The following EHF variants were observed in gnomAD, a reference collection of about 807,000 sequenced individuals.
EHF encodes ETS homologous factor.
In EHF, 14 loss-of-function variants were observed where a neutral mutation model predicts 45.1. The observed-to-expected ratio is 0.31, with a 90% CI of 0.21 to 0.49. EHF has a LOEUF of 0.49. Among genes scored for constraint, EHF ranks in the 20% least tolerant of loss-of-function variants. The probability of loss-of-function intolerance (pLI) is 0.99; values close to 1 mark genes in which losing one functional copy is unlikely to be tolerated. For missense variants in EHF, 282 were observed against 371.4 expected, an observed-to-expected ratio of 0.76 and a Z score of 1.98; for synonymous variants, 136 against 131.8, an observed-to-expected ratio of 1.03 and a Z score of -0.22.
chr11:34,657,569 A>C (rs569261959), intron 7 of EHF, among the ~76,000 whole-genome samples: 3 of 152,174 alleles, frequency 2.0e-5, no homozygotes, highest in Admixed American at 1.3e-4. Context: ...TGGGTGGATC[A>C]CTTGAGCTCA....
At chr11:34,646,027 GGTGTGT>G (rs71041935) in intron 2 of EHF, among the ~76,000 whole-genome samples, 16,986 of 144,210 alleles carry the variant, frequency 0.12, 1,054 homozygotes, top group Admixed American at 0.19. Context: ...TGAGTTTGGT[GGTGTGT>G]GTGTGTGTGT....
intron 4 of EHF, 107 bp downstream of exon 4, chr11:34,649,188 C>A: frequency 8.6e-7 from 1 of 1,157,772 alleles, no homozygotes; most frequent in Non-Finnish European, 1.3e-6. Flanking sequence ...GCAGGAAACA[C>A]AGGGAGGCCT....
At chr11:34,651,171 C>G (rs563678263) in intron 4 of EHF, among the ~76,000 whole-genome samples, 4 of 151,846 alleles carry the variant, frequency 2.6e-5, no homozygotes, top group African/African-American at 7.2e-5. Flanking sequence ...GCCTTCCCCC[C>G]CACCACACTC....
chr11:34,644,125 A>G (rs1307354125), intron 2 of EHF, among the ~76,000 whole-genome samples: 1 of 152,230 alleles, frequency 6.6e-6, no homozygotes, highest in East Asian at 1.9e-4. Context: ...CCAAGTTTGA[A>G]CAAGATACAC....
intron 1 of EHF, chr11:34,642,290 T>TAAAA (rs1420429335): frequency 2.4e-5 from 4 of 164,924 alleles, no homozygotes; most frequent in African/African-American, 2.7e-5. Flanking sequence ...TTCACTTTTG[T>TAAAA]AAAAAAAAAA....
At chr11:34,622,464 A>G in intron 1 of EHF, 2 of 1,212,202 alleles carry the variant, frequency 1.6e-6, no homozygotes, top group Non-Finnish European at 1.1e-6. Context: ...GCAATTAGAG[A>G]TTCTGTGTGA....
intron 1 of EHF, among the ~76,000 whole-genome samples, chr11:34,625,032 T>G (rs1590396902): frequency 2.0e-5 from 3 of 151,704 alleles, no homozygotes; most frequent in Admixed American, 2.0e-4. Flanking sequence ...TTGGGGGTGG[T>G]GGGAGTACCT....
rs1301437974 is a variant in EHF at position 34,651,561 on chromosome 11, C to T, written c.426C>T (p.Thr142=). Reference sequence around the variant, plus strand: ...TTGTAGAGCCTTCCATCATGAACACCTGGAAAGACGAGAACTATTTATATG... The same window carrying T: ...TTGTAGAGCCTTCCATCATGAACACTTGGAAAGACGAGAACTATTTATATG... ...TEQTEPSIMN[T]WKDENYLYDT... is the part of the protein sequence containing the mutation. Residue 142 remains threonine, a synonymous_variant, in exon 5 of 9, where the codon ACC becomes ACT. Transcript: ENST00000257831. 6.2e-7 allele frequency: 1 copy of T among 1,613,812 alleles called. No individual in the cohort carries two copies. Among genetic ancestry groups the T allele is most frequent in the Admixed American group, 1.7e-5 (1 of 60,016 alleles).
intron 1 of EHF, among the ~76,000 whole-genome samples, chr11:34,633,051 G>A (rs565875499): frequency 1.1e-4 from 16 of 152,292 alleles, no homozygotes; most frequent in Admixed American, 4.6e-4. Context: ...ATGGAGGTGG[G>A]ATGGGGTTAG....
At chr11:34,655,593 C>G (rs1487280238) in intron 6 of EHF, among the ~76,000 whole-genome samples, 1 of 152,226 alleles carries the variant, frequency 6.6e-6, no homozygotes, top group African/African-American at 2.4e-5. Flanking sequence ...CATTTGACCC[C>G]TCTGTTTCTC....
intron 1 of EHF, among the ~76,000 whole-genome samples, chr11:34,634,462 G>A (rs1208972104): frequency 2.6e-5 from 4 of 152,204 alleles, no homozygotes; most frequent in Non-Finnish European, 5.9e-5. Flanking sequence ...ATGAATAAGG[G>A]AGCTAGGAAG....
rs145758163 is a variant in EHF at position 34,631,429 on chromosome 11, C to T, written c.-4+10201C>T. On this transcript the variant is annotated intron_variant, in intron 1 of 8. Coordinates refer to ENST00000257831, the MANE Select transcript of EHF (RefSeq NM_012153.6). ...ATGTTGTTCATGATCTCCATTTGGGCGATTTGTTTAGCTCCTTGTGGCCCT... is the reference window on the plus strand; with the variant it reads ...ATGTTGTTCATGATCTCCATTTGGGTGATTTGTTTAGCTCCTTGTGGCCCT... 1,680 of 241,424 alleles carry T rather than the reference C, an allele frequency of 7.0e-3. 9 individuals are homozygous for T. Among genetic ancestry groups the T allele is most frequent in the Non-Finnish European group, 9.5e-3 (1,422 of 149,706 alleles). 15.0% of individuals were successfully genotyped at this position (241,424 alleles called of 1,614,324 possible).
At chr11:34,629,531 A>T (rs1238505973) in intron 1 of EHF, among the ~76,000 whole-genome samples, 1 of 152,192 alleles carries the variant, frequency 6.6e-6, no homozygotes, top group Non-Finnish European at 1.5e-5. Context: ...GAAAATTCAG[A>T]TGTTATTTGC....
At chr11:34,634,455 A>T (rs1255841423) in intron 1 of EHF, among the ~76,000 whole-genome samples, 1 of 152,212 alleles carries the variant, frequency 6.6e-6, no homozygotes, top group Non-Finnish European at 1.5e-5. Context: ...TGGTTGGATG[A>T]ATAAGGGAGC....
At chr11:34,658,422 G>A (rs893234209) in intron 7 of EHF, 111 bp from the exon 8 acceptor site, 5 of 849,412 alleles carry the variant, frequency 5.9e-6, no homozygotes, top group Non-Finnish European at 7.4e-6. Context: ...TGACAAGTAG[G>A]GGAGAAATGA....
At chr11:34,623,146 C>T (rs975735599) in intron 1 of EHF, among the ~76,000 whole-genome samples, 3 of 152,060 alleles carry the variant, frequency 2.0e-5, no homozygotes, top group African/African-American at 7.2e-5. Flanking sequence ...AGTGCAGTGG[C>T]ATGATCTTGG....
chr11:34,631,654 C>T (rs1852899941), intron 1 of EHF: 15 of 806,104 alleles, frequency 1.9e-5, no homozygotes, highest in Non-Finnish European at 2.1e-5. Flanking sequence ...CTCATTTATG[C>T]GATGGGAAAA....
At chr11:34,627,154 A>G (rs756940271) in intron 1 of EHF, among the ~76,000 whole-genome samples, 15 of 151,210 alleles carry the variant, frequency 9.9e-5, no homozygotes, top group Non-Finnish European at 1.8e-4. Context: ...GGCGATCAAC[A>G]TTGGTTCTTC....
intron 2 of EHF, among the ~76,000 whole-genome samples, chr11:34,644,881 T>C (rs1270732790): frequency 1.3e-5 from 2 of 152,210 alleles, no homozygotes; most frequent in African/African-American, 4.8e-5. Context: ...TGAACAGTAT[T>C]CCCTGGTGAT....
Sources: allele counts gnomAD v4.1 joint callset (sites outside exome capture counted in the v4.1 genomes callset), GRCh38; gene constraint gnomAD v4.1.1; transcripts MANE v1.5; gene names NCBI Gene and HGNC (gene_info 2026-07-23, HGNC 2026-07-21).